The following LRTM2 variants were observed in gnomAD, a reference collection of about 807,000 sequenced individuals.
The protein encoded by LRTM2 is leucine-rich repeat and transmembrane domain-containing protein 2.
In LRTM2, 18 loss-of-function variants were observed where a neutral mutation model predicts 28.1. The observed-to-expected ratio is 0.64, with a 90% CI of 0.44 to 0.95. The LOEUF is 0.95. LRTM2 is among the 40% of genes least tolerant of loss of function. The pLI is 0.00. For synonymous variants in LRTM2, 250 were observed against 218.7 expected, an observed-to-expected ratio of 1.14 and a Z score of -1.26; for missense variants, 436 against 497.2, an observed-to-expected ratio of 0.88 and a Z score of 1.17.
At chr12:1,830,178 T>G (rs1351359777) in intron 3 of LRTM2, among the ~76,000 whole-genome samples, 1 of 152,200 alleles carries the variant, frequency 6.6e-6, no homozygotes, top group African/African-American at 2.4e-5. Context: ...GGGGTTAAAG[T>G]GGAATGTGTC....
chr12:1,821,619 G>A (rs940044980), intron 1 of LRTM2, among the ~76,000 whole-genome samples: 93 of 152,192 alleles, frequency 6.1e-4, no homozygotes, highest in African/African-American at 2.2e-3. Context: ...CTGAGCTTGG[G>A]TGGGGGGTAC....
intron 1 of LRTM2, among the ~76,000 whole-genome samples, chr12:1,825,498 C>A (rs1478289573): frequency 6.6e-6 from 1 of 152,224 alleles, no homozygotes; most frequent in Admixed American, 6.5e-5. Flanking sequence ...GCGGCTTACA[C>A]ATCTGTCTGT....
intron 4 of LRTM2, among the ~76,000 whole-genome samples, chr12:1,832,285 G>A (rs904477905): frequency 6.6e-5 from 10 of 152,216 alleles, no homozygotes; most frequent in Non-Finnish European, 1.3e-4. Context: ...CGCTGTGGCA[G>A]GGCCTGGTCT....
rs1366663588 is a variant in LRTM2, at chr12:1,834,856, G to A, written c.*135G>A. 4 of 1,421,922 alleles carry A rather than the reference G, an allele frequency of 2.8e-6. 1 individual carries two copies. The African/African-American group carries it at 4.3e-5, about 15-fold the overall frequency. 88.1% of individuals were successfully genotyped at this position (1,421,922 alleles called of 1,614,324 possible). A position where few individuals can be genotyped will look rare whatever the true frequency, so the allele number is the denominator to read the frequency against. ...CTCCTCCCCGCCCTCCAGCAGACAAGCCACACCGGGTTCTCTCCCTGCACT... is the reference window on the plus strand; with the variant it reads ...CTCCTCCCCGCCCTCCAGCAGACAAACCACACCGGGTTCTCTCCCTGCACT... On this transcript the variant is annotated 3_prime_UTR_variant, in exon 5 of 5. Transcript: ENST00000299194. This position sits in a 1 kb window ranked among gnomAD's most constrained non-coding sequence, Gnocchi z 7.6.
Position 1,827,880 on chromosome 12 carries a change from C to T in LRTM2, c.-73-196C>T, listed in dbSNP as rs142445537. The T allele has an allele frequency of 2.1e-3, 807 of 385,768 alleles. 7 individuals carry two copies. The East Asian group carries it at 0.024, about 11-fold the overall frequency. 23.9% of individuals were successfully genotyped at this position (385,768 alleles called of 1,614,324 possible). A position where few individuals can be genotyped will look rare whatever the true frequency, so the allele number is the denominator to read the frequency against. On this transcript the variant is annotated intron_variant, in intron 2 of 4. Transcript: ENST00000299194. ...CCCGACCCTCGGGCTCCTGGAAAGC[C>T]GAAGCCTGCCCCGCCCCCATCCCAG...
intron 1 of LRTM2, among the ~76,000 whole-genome samples, chr12:1,821,860 G>T (rs1864116920): frequency 6.6e-6 from 1 of 152,102 alleles, no homozygotes; most frequent in Admixed American, 6.5e-5. Flanking sequence ...CCACATTTCT[G>T]GGGGGTGTTG....
At chr12:1,830,155 T>A (rs1864557007) in intron 3 of LRTM2, among the ~76,000 whole-genome samples, 1 of 152,236 alleles carries the variant, frequency 6.6e-6, no homozygotes, top group Admixed American at 6.5e-5. Context: ...AGAGCCTAGA[T>A]GGCTTTAGGG....
rs140310524 is a variant in LRTM2, at chr12:1,831,509, G to A, written c.642G>A (p.Glu214=). 37 of 1,612,984 alleles carry A rather than the reference G, an allele frequency of 2.3e-5. No individual in the cohort carries two copies. The African/African-American group carries it at 4.7e-4, about 20-fold the overall frequency. Residue 214 remains glutamate, a synonymous_variant, in exon 4 of 5, where the codon GAG becomes GAA. Transcript: ENST00000299194. ...TGCGTGAGTTCAAACACTGGATGGA[G>A]TGGTTCTCCTACCGAGGTGAGCGCA... ...CNLREFKHWM[E]WFSYRGGRLD...
intron 1 of LRTM2, among the ~76,000 whole-genome samples, chr12:1,821,525 C>T (rs77304298): frequency 6.6e-6 from 1 of 152,190 alleles, no homozygotes; most frequent in East Asian, 1.9e-4. Flanking sequence ...ACCAGGCCCG[C>T]GAGAACCTGC....
Position 1,828,475 on chromosome 12 carries a change from C to T in LRTM2, c.67+260C>T, listed in dbSNP as rs940707818. Among the ~76,000 whole-genome samples, 6 of 152,248 alleles carry T rather than the reference C, an allele frequency of 3.9e-5. No homozygotes were observed. Among genetic ancestry groups the T allele is most frequent in the Middle Eastern group, 3.2e-3 (1 of 316 alleles). On this transcript the variant is annotated intron_variant, in intron 3 of 4. Coordinates refer to ENST00000299194, the MANE Select transcript of LRTM2 (RefSeq NM_001039029.3). The surrounding 1 kb of genome is among the most constrained non-coding windows in gnomAD (Gnocchi z 4.2). ...GCCACGACAGTTGTTCTACCTCCCC[C>T]AGGTAAGTCTCTGTGAGCTTGCTGG...
chr12:1,828,331 A>C lies in LRTM2; in HGVS notation c.67+116A>C. 1 of 928,192 alleles carries C rather than the reference A, an allele frequency of 1.1e-6. No individual in the cohort carries two copies. Among genetic ancestry groups the C allele is most frequent in the Non-Finnish European group, 1.5e-6 (1 of 648,866 alleles). 57.5% of individuals were successfully genotyped at this position (928,192 alleles called of 1,614,324 possible). A position where few individuals can be genotyped will look rare whatever the true frequency, so the allele number is the denominator to read the frequency against. Reference sequence around the variant, plus strand: ...CTCAGGCTGCAGGGAGGCCTACGCCAGATCTTCCTGGGGTACCCGAGGCTA... The same window carrying C: ...CTCAGGCTGCAGGGAGGCCTACGCCCGATCTTCCTGGGGTACCCGAGGCTA... On this transcript the variant is annotated intron_variant, in intron 3 of 4. Transcript: ENST00000299194. The surrounding 1 kb of genome is among the most constrained non-coding windows in gnomAD (Gnocchi z 4.2).
Position 1,835,834 on chromosome 12 carries a change from C to T in LRTM2, c.*1113C>T, listed in dbSNP as rs547316854. On this transcript the variant is annotated 3_prime_UTR_variant, in exon 5 of 5. Coordinates refer to ENST00000299194, the MANE Select transcript of LRTM2 (RefSeq NM_001039029.3). ...AGGCCCTGTGGGGCCCCCACTGATT[C>T]CTCCACAGCCTGCAGCCTGGCACCG... 6.5e-6 allele frequency: 1 copy of T among 152,814 alleles called. No homozygotes were observed. The highest frequency in any genetic ancestry group is 1.9e-4 in the East Asian group (1 of 5,196). The allele number at this position is 152,814 out of a possible 1,614,324, so 9.5% of individuals were successfully genotyped here.
Position 1,828,141 on chromosome 12 carries a change from G to A in LRTM2, c.-8G>A, listed in dbSNP as rs760437859. ...AGCGACAGGGCCCGGAGAGCCGTGG[G>A]CCTCACCATGCTGGCGCCGGGCAGC... On this transcript the variant is annotated 5_prime_UTR_variant, in exon 3 of 5. Transcript: ENST00000299194. This position sits in a 1 kb window ranked among gnomAD's most constrained non-coding sequence, Gnocchi z 4.2. 4.8e-4 allele frequency: 742 copies of A among 1,537,518 alleles called. No homozygotes were observed. The highest frequency in any genetic ancestry group is 6.1e-4 in the Non-Finnish European group (697 of 1,140,818).
rs1182611302 is a variant in LRTM2 at position 1,829,874 on chromosome 12, C to G, written c.68-1061C>G. Among the ~76,000 whole-genome samples the G allele has an allele frequency of 3.3e-5, 5 of 152,062 alleles. No homozygotes were observed. The highest frequency in any genetic ancestry group is 2.6e-4 in the Admixed American group (4 of 15,276). On this transcript the variant is annotated intron_variant, in intron 3 of 4. Transcript: ENST00000299194. The surrounding 1 kb of genome is among the most constrained non-coding windows in gnomAD (Gnocchi z 4.2). ...GAACTATTTTGAATTCTTCCCAGTTCTCTTTCACGATGAGCAGGCTTCTCT... is the reference window on the plus strand; with the variant it reads ...GAACTATTTTGAATTCTTCCCAGTTGTCTTTCACGATGAGCAGGCTTCTCT...
chr12:1,827,786 G>A (rs577743297), intron 2 of LRTM2, 192 bp downstream of exon 2: 56 of 253,594 alleles, frequency 2.2e-4, no homozygotes, highest in African/African-American at 9.5e-4. Context: ...CAACATACTC[G>A]GGAGGCAACA....
At position 1,831,136 on chromosome 12, in the gene LRTM2, A is replaced by G. The variant is rs1162405704; in HGVS notation, c.269A>G (p.Asn90Ser). Residue 90 changes from asparagine to serine, a missense_variant, in exon 4 of 5, where the codon AAC becomes AGC. By Grantham distance (46) the Asn-to-Ser change is conservative. Transcript: ENST00000299194. ...LSALPSWAFA[N>S]LSSLQRLDLS... is the part of the protein sequence containing the mutation. Reference sequence around the variant, plus strand: ...GCCCTGCCAAGCTGGGCTTTCGCCAACCTCTCCAGCCTGCAGCGGTTGGAC... The same window carrying G: ...GCCCTGCCAAGCTGGGCTTTCGCCAGCCTCTCCAGCCTGCAGCGGTTGGAC... The G allele has an allele frequency of 5.0e-6, 8 of 1,613,780 alleles. No homozygotes were observed. Among genetic ancestry groups the G allele is most frequent in the East Asian group, 2.2e-5 (1 of 44,890 alleles).
chr12:1,823,769 A>G (rs1035431534), intron 1 of LRTM2, among the ~76,000 whole-genome samples: 1 of 152,214 alleles, frequency 6.6e-6, no homozygotes, highest in African/African-American at 2.4e-5. Flanking sequence ...TTCCTTCATC[A>G]GGGCAATGGG....
chr12:1,824,022 TC>T (rs1287854512), intron 1 of LRTM2, among the ~76,000 whole-genome samples: 3 of 152,172 alleles, frequency 2.0e-5, no homozygotes, highest in East Asian at 1.9e-4. Context: ...TGCCTCAGTT[TC>T]CCCCATCTGC....
At chr12:1,823,885 C>T (rs542921109) in intron 1 of LRTM2, among the ~76,000 whole-genome samples, 4 of 152,350 alleles carry the variant, frequency 2.6e-5, no homozygotes, top group African/African-American at 9.6e-5. Flanking sequence ...TTTCCTACCT[C>T]TGCCTTTCCT....
Sources: gnomAD v4.1 joint callset for allele counts (sites outside exome capture counted in the v4.1 genomes callset) on GRCh38, gnomAD v4.1.1 for gene constraint, Gnocchi (gnomAD v3.1) non-coding constraint, MANE v1.5 for transcripts, NCBI Gene and HGNC (gene_info 2026-07-23, HGNC 2026-07-21) for gene names.